CSRP2: variants seen among roughly 807,000 people sequenced by gnomAD.
The protein encoded by CSRP2 is cysteine and glycine rich protein 2.
In CSRP2, 18 loss-of-function variants were observed where a neutral mutation model predicts 24.6. The observed-to-expected ratio is 0.73, with a 90% CI of 0.51 to 1.09. The LOEUF is 1.09. CSRP2 is among the 50% of genes least tolerant of loss of function. CSRP2 has a pLI of 0.00. For missense variants in CSRP2, 215 were observed against 239.4 expected (o/e 0.90, Z 0.67); for synonymous variants, 87 against 84.3 (o/e 1.03, Z -0.18).
intron 1 of CSRP2, among the ~76,000 whole-genome samples, chr12:76,876,285 A>G (rs1329829942): frequency 6.6e-6 from 1 of 152,230 alleles, no homozygotes; most frequent in Non-Finnish European, 1.5e-5. Flanking sequence ...AAGGAACCTG[A>G]TATCCTTTCC....
chr12:76,863,347 G>A lies in CSRP2; in HGVS notation c.113-3C>T. ...ATCTAAATTTTTCCTGCAAACCACT[G>A]CAGGGGAAAAAGTTAGACTTTACAC... On this transcript the variant is annotated splice_region_variant and splice_polypyrimidine_tract_variant and intron_variant, in intron 2 of 5. Coordinates refer to ENST00000311083, the MANE Select transcript of CSRP2 (RefSeq NM_001321.3). 6.2e-7 allele frequency: 1 copy of A among 1,613,644 alleles called. No individual in the cohort carries two copies. Among genetic ancestry groups the A allele is most frequent in the Non-Finnish European group, 8.5e-7 (1 of 1,179,834 alleles).
intron 1 of CSRP2, among the ~76,000 whole-genome samples, chr12:76,876,872 T>G (rs1953858077): frequency 6.6e-6 from 1 of 152,242 alleles, no homozygotes; most frequent in South Asian, 2.1e-4. Flanking sequence ...AAGGAACTAC[T>G]CCCAGGCTGG....
At chr12:76,863,571 A>G (rs961568031) in intron 2 of CSRP2, 11 of 445,382 alleles carry the variant, frequency 2.5e-5, no homozygotes, top group South Asian at 1.1e-4. Context: ...TCAGAAATGT[A>G]TCAGAATATA....
intron 1 of CSRP2, among the ~76,000 whole-genome samples, chr12:76,876,868 C>T (rs1953858008): frequency 6.6e-6 from 1 of 152,252 alleles, no homozygotes; most frequent in South Asian, 2.1e-4. Context: ...TTACAAGGAA[C>T]TACTCCCAGG....
chr12:76,869,859 A>C (rs1023966117), intron 1 of CSRP2, among the ~76,000 whole-genome samples: 4 of 152,204 alleles, frequency 2.6e-5, no homozygotes, highest in Non-Finnish European at 5.9e-5. Context: ...AACCTAAGAC[A>C]TAAAGCCTTG....
At chr12:76,873,493 C>T (rs939140626) in intron 1 of CSRP2, among the ~76,000 whole-genome samples, 19 of 152,176 alleles carry the variant, frequency 1.2e-4, no homozygotes, top group African/African-American at 4.1e-4. Flanking sequence ...TGATCAGCTC[C>T]GTACTCCATT....
Position 76,863,243 on chromosome 12 carries a change from C to A in CSRP2, c.214G>T (p.Gly72Cys), listed in dbSNP as rs1401578274. ...AGCGTGCCAGCGCCCTGGCCATAACCGTAGCCTTTTGGCCCATACTTCTTT... is the reference window on the plus strand; with the variant it reads ...AGCGTGCCAGCGCCCTGGCCATAACAGTAGCCTTTTGGCCCATACTTCTTT... ...YGKKYGPKGY[G>C]YGQGAGTLNM... The change falls in exon 3 of 6, where the codon GGT becomes TGT. Residue 72 changes from glycine to cysteine, a missense_variant. Transcript: ENST00000311083. The A allele has an allele frequency of 6.2e-7, 1 of 1,614,242 alleles. No homozygotes were observed. Among genetic ancestry groups the A allele is most frequent in the Non-Finnish European group, 8.5e-7 (1 of 1,180,044 alleles).
At chr12:76,863,365 CT>C in intron 2 of CSRP2, 21 bp from the exon 3 acceptor site, 1 of 1,611,386 alleles carries the variant, frequency 6.2e-7, no homozygotes, top group Non-Finnish European at 8.5e-7. Context: ...AAAAGTTAGA[CT>C]TTACACATGT....
At chr12:76,869,909 T>C (rs960825904) in intron 1 of CSRP2, among the ~76,000 whole-genome samples, 1 of 152,194 alleles carries the variant, frequency 6.6e-6, no homozygotes, top group Non-Finnish European at 1.5e-5. Context: ...GTAGTACAGT[T>C]AGAGAAACTG....
In CSRP2 at chr12:76,858,888, G is replaced by GCTTT. The variant is rs1236789727; in HGVS notation, c.*63_*64insAAAG. On this transcript the variant is annotated 3_prime_UTR_variant, in exon 6 of 6. Coordinates refer to ENST00000311083, the MANE Select transcript of CSRP2 (RefSeq NM_001321.3). ...AATTTCACAGTAGTTTAGTGTTAAA[G>GCTTT]ATTATCTGTGCCTAGATTATGAAGA... The GCTTT allele has an allele frequency of 1.4e-6, 2 of 1,415,216 alleles. No individual in the cohort carries two copies. The highest frequency in any genetic ancestry group is 2.0e-6 in the Non-Finnish European group (2 of 1,000,244). The allele number at this position is 1,415,216 out of a possible 1,614,324, so 87.7% of individuals were successfully genotyped here.
intron 2 of CSRP2, chr12:76,863,620 G>A (rs745636276): frequency 6.3e-6 from 2 of 318,536 alleles, no homozygotes; most frequent in Non-Finnish European, 1.1e-5. Context: ...AGTTTGTTTC[G>A]TTTATTTTTT....
At chr12:76,863,671 T>G in intron 2 of CSRP2, 1 of 197,612 alleles carries the variant, frequency 5.1e-6, no homozygotes, top group Non-Finnish European at 1.0e-5. Context: ...TTACTATGAT[T>G]TCCCTTTCTG....
intron 3 of CSRP2, 154 bp downstream of exon 3, chr12:76,863,022 C>A: frequency 7.0e-7 from 1 of 1,432,976 alleles, no homozygotes; most frequent in South Asian, 1.5e-5. Flanking sequence ...GTCCAAAACT[C>A]AATATTTTGA....
chr12:76,875,858 C>T (rs1198972191), intron 1 of CSRP2, among the ~76,000 whole-genome samples: 4 of 152,178 alleles, frequency 2.6e-5, no homozygotes, highest in African/African-American at 9.7e-5. Context: ...TACCACTATT[C>T]TCATTTTATG....
chr12:76,868,020 ACCTTC>A, intron 1 of CSRP2, among the ~76,000 whole-genome samples: 1 of 152,208 alleles, frequency 6.6e-6, no homozygotes, highest in Admixed American at 6.5e-5. Context: ...TTCTGGTGGT[ACCTTC>A]CCTAGACTGT....
chr12:76,876,084 C>G (rs1262963817), intron 1 of CSRP2, among the ~76,000 whole-genome samples: 1 of 152,202 alleles, frequency 6.6e-6, no homozygotes, highest in Non-Finnish European at 1.5e-5. Context: ...AGTTCCTGCA[C>G]TGCCGTGTGC....
intron 1 of CSRP2, among the ~76,000 whole-genome samples, chr12:76,875,906 A>T (rs961198678): frequency 6.6e-6 from 1 of 152,244 alleles, no homozygotes; most frequent in African/African-American, 2.4e-5. Context: ...TAAATGACTC[A>T]TAACTGTGAA....
chr12:76,862,436 G>A (rs770647931), intron 3 of CSRP2: 6 of 158,878 alleles, frequency 3.8e-5, no homozygotes, highest in Admixed American at 1.3e-4. Flanking sequence ...AGCTACTCAG[G>A]AGGCTGAGAC....
chr12:76,862,698 A>G (rs752034290), intron 3 of CSRP2: 7 of 1,238,430 alleles, frequency 5.7e-6, no homozygotes, highest in African/African-American at 1.5e-5. Flanking sequence ...AATCAAAAAT[A>G]AGAAGTAATT....
Sources: gnomAD v4.1 joint callset for allele counts (sites outside exome capture counted in the v4.1 genomes callset) on GRCh38, gnomAD v4.1.1 for gene constraint, MANE v1.5 for transcripts, NCBI Gene and HGNC (gene_info 2026-07-23, HGNC 2026-07-21) for gene names.